Variants in MRTFB observed in about 807,000 individuals in gnomAD.
MRTFB encodes the protein myocardin-related transcription factor B.
MRTFB carries 29 observed loss-of-function variants against 104.2 expected under a neutral mutation model. The observed-to-expected ratio is 0.28, with a 90% CI of 0.21 to 0.38. The LOEUF (loss-of-function observed/expected upper bound fraction) is 0.38, where lower values mean the gene tolerates loss of function less well. Among genes scored for constraint, MRTFB ranks in the 10% least tolerant of loss-of-function variants. MRTFB has a pLI of 1.00. For synonymous variants in MRTFB, 535 were observed against 519.5 expected (o/e 1.03, Z -0.41); for missense variants, 1,270 against 1,341.6 (o/e 0.95, Z 0.83).
chr16:14,098,946 C>T (rs531549017), intron 2 of MRTFB, among the ~76,000 whole-genome samples: 1 of 152,306 alleles, frequency 6.6e-6, no homozygotes, highest in South Asian at 2.1e-4. Context: ...TATTTGTCTT[C>T]ACACCAGTAC....
intron 2 of MRTFB, among the ~76,000 whole-genome samples, chr16:14,136,553 C>A (rs928393911): frequency 1.3e-5 from 2 of 151,982 alleles, no homozygotes; most frequent in African/African-American, 4.8e-5. Context: ...TTTTTTTAAA[C>A]CTCCCCAAAT....
intron 3 of MRTFB, chr16:14,201,045 A>C (rs543551241): frequency 2.0e-6 from 3 of 1,517,444 alleles, no homozygotes; most frequent in African/African-American, 2.8e-5. Flanking sequence ...TGAACCTTTT[A>C]GAGCTTAGTC....
At chr16:14,199,906 G>T (rs2040605737) in intron 3 of MRTFB, 3 of 176,352 alleles carry the variant, frequency 1.7e-5, no homozygotes, top group Admixed American at 5.5e-5. Context: ...CTGCTTATTA[G>T]TTATTTATAT....
intron 3 of MRTFB, among the ~76,000 whole-genome samples, chr16:14,182,458 A>G (rs1048878424): frequency 6.6e-6 from 1 of 152,238 alleles, no homozygotes; most frequent in Admixed American, 6.5e-5. Flanking sequence ...GGATGAACTC[A>G]TGGTTTTCAA....
At chr16:14,133,755 A>G (rs1278976415) in intron 2 of MRTFB, among the ~76,000 whole-genome samples, 2 of 152,048 alleles carry the variant, frequency 1.3e-5, no homozygotes, top group African/African-American at 2.4e-5. Flanking sequence ...TTATAATTCA[A>G]CAAAATTACA....
At position 14,223,349 on chromosome 16, in the gene MRTFB, G is replaced by T. The variant is rs896340298; in HGVS notation, c.693+4351G>T. ...AGAAAAAGAAAAATATGACCATTCA[G>T]GGAACAAAATAAATCTCCAGAAACT... On this transcript the variant is annotated intron_variant, in intron 8 of 16. Transcript: ENST00000571589. Among the ~76,000 whole-genome samples the T allele has an allele frequency of 2.6e-5, 4 of 151,936 alleles. No homozygotes were observed. In the East Asian group the frequency reaches 7.7e-4, roughly 29 times the overall value.
the MRTFB span, among the ~76,000 whole-genome samples, chr16:14,001,584 G>A: frequency 1.3e-5 from 2 of 152,190 alleles, no homozygotes; most frequent in East Asian, 1.9e-4. Flanking sequence ...AGGTTTGGCC[G>A]CCAGAAGCAA....
chr16:14,136,924 G>A (rs1284519017), intron 2 of MRTFB, among the ~76,000 whole-genome samples: 2 of 152,214 alleles, frequency 1.3e-5, no homozygotes, highest in African/African-American at 4.8e-5. Context: ...CTGCAGTTAC[G>A]TTATTGGGAT....
At chr16:14,008,297 A>G in the MRTFB span, among the ~76,000 whole-genome samples, 2 of 152,222 alleles carry the variant, frequency 1.3e-5, no homozygotes, top group Non-Finnish European at 1.5e-5. Context: ...GGTCATGAAG[A>G]TTTCCTCCTA....
intron 3 of MRTFB, among the ~76,000 whole-genome samples, chr16:14,183,308 T>C (rs2039831047): frequency 6.6e-6 from 1 of 152,074 alleles, no homozygotes; most frequent in East Asian, 1.9e-4. Flanking sequence ...CCTGTAATCA[T>C]CAAAATTCAA....
chr16:14,026,773 T>C, the MRTFB span, among the ~76,000 whole-genome samples: 1 of 152,198 alleles, frequency 6.6e-6, no homozygotes, highest in Non-Finnish European at 1.5e-5. Flanking sequence ...AGAGGATATA[T>C]GGTTGGCATA....
intron 2 of MRTFB, among the ~76,000 whole-genome samples, chr16:14,127,927 A>AT (rs1300874035): frequency 0.014 from 534 of 38,642 alleles, 3 homozygotes; most frequent in Admixed American, 0.033. Context: ...ATATATATAT[A>AT]TATTTTTTTT....
intron 2 of MRTFB, among the ~76,000 whole-genome samples, chr16:14,126,501 G>A (rs1453268632): frequency 6.6e-6 from 1 of 151,882 alleles, no homozygotes; most frequent in East Asian, 1.9e-4. Context: ...GCTAGAAAGG[G>A]GGTTAAATTT....
chr16:14,017,709 ATATT>A, the MRTFB span, among the ~76,000 whole-genome samples: 1 of 15,924 alleles, frequency 6.3e-5, no homozygotes, highest in African/African-American at 1.2e-4. Context: ...ATATATATAT[ATATT>A]TTTTTTTTTT....
At chr16:14,121,002 A>G (rs756980189) in intron 2 of MRTFB, among the ~76,000 whole-genome samples, 13 of 152,132 alleles carry the variant, frequency 8.5e-5, no homozygotes, top group Non-Finnish European at 1.5e-4. Context: ...AAACTCATAT[A>G]TATGTATAGT....
intron 1 of MRTFB, among the ~76,000 whole-genome samples, chr16:14,077,950 A>C (rs745471775): frequency 6.6e-6 from 1 of 152,238 alleles, no homozygotes; most frequent in Non-Finnish European, 1.5e-5. Context: ...TGAAAACCAG[A>C]GAACAAATTC....
In MRTFB at chr16:14,218,263, G is replaced by A. The variant is rs533524407; in HGVS notation, c.515-557G>A. On this transcript the variant is annotated intron_variant, in intron 7 of 16. Coordinates refer to ENST00000571589, the MANE Select transcript of MRTFB (RefSeq NM_001308142.2). ...TTTAGCAGAGACGGGGTTTCACCGC[G>A]CTAGCCAGGATGGTCTCGATCTCCT... Among the ~76,000 whole-genome samples, 241 of 152,132 alleles carry A rather than the reference G, an allele frequency of 1.6e-3. 1 individual carries two copies. The highest frequency in any genetic ancestry group is 1.8e-3 in the Non-Finnish European group (120 of 68,004).
At chr16:14,126,383 C>A (rs2037112393) in intron 2 of MRTFB, among the ~76,000 whole-genome samples, 1 of 152,066 alleles carries the variant, frequency 6.6e-6, no homozygotes, top group Admixed American at 6.5e-5. Context: ...CTTTAAAACC[C>A]TATTATCATT....
At chr16:14,103,568 G>A (rs2142079012) in intron 2 of MRTFB, among the ~76,000 whole-genome samples, 1 of 152,242 alleles carries the variant, frequency 6.6e-6, no homozygotes, top group Middle Eastern at 3.4e-3. Context: ...ATGGATTCCT[G>A]TTTCCATTGC....
Sources: allele counts gnomAD v4.1 joint callset (sites outside exome capture counted in the v4.1 genomes callset), GRCh38; gene constraint gnomAD v4.1.1; transcripts MANE v1.5; gene names NCBI Gene and HGNC (gene_info 2026-07-23, HGNC 2026-07-21).